RFWD3: variants seen among roughly 807,000 people sequenced by gnomAD.
RFWD3 encodes the protein ring finger and WD repeat domain 3, also known as E3 ubiquitin-protein ligase RFWD3.
A neutral mutation model predicts 87.7 loss-of-function variants in RFWD3; 65 were observed. That is an observed-to-expected ratio of 0.74 (90% CI 0.61 to 0.91). The LOEUF is 0.91. Ranked by LOEUF, RFWD3 falls within the 40% of genes least tolerant of loss-of-function variation. RFWD3 has a pLI of 0.00. For missense variants in RFWD3, 1,078 were observed against 938.5 expected, an observed-to-expected ratio of 1.15 and a Z score of -1.94; for synonymous variants, 433 against 352.8, an observed-to-expected ratio of 1.23 and a Z score of -2.55.
intron 1 of RFWD3, chr16:74,664,354 A>T (rs74820302): frequency 0.23 from 34,473 of 152,348 alleles, 4,370 homozygotes; most frequent in African/African-American, 0.32. Context: ...AAGAGACATT[A>T]AGCAACTCAG....
chr16:74,656,385 T>G (rs1960991167), intron 2 of RFWD3, among the ~76,000 whole-genome samples: 1 of 151,956 alleles, frequency 6.6e-6, no homozygotes, highest in Admixed American at 6.6e-5. Context: ...AAAGCTTTTT[T>G]TATTTTATTT....
chr16:74,661,973 G>T (rs1206350377), intron 1 of RFWD3, among the ~76,000 whole-genome samples: 1 of 152,018 alleles, frequency 6.6e-6, no homozygotes, highest in Non-Finnish European at 1.5e-5. Flanking sequence ...TTCCAAAAAG[G>T]CTGAGCAAAC....
chr16:74,651,551 G>A (rs760491130), intron 3 of RFWD3, among the ~76,000 whole-genome samples: 24 of 152,160 alleles, frequency 1.6e-4, no homozygotes, highest in Admixed American at 3.3e-4. Context: ...CCCAAGAAGC[G>A]GAAGTTGCAG....
In RFWD3 at chr16:74,660,982, A is replaced by C. The variant is rs780623055; in HGVS notation, c.468T>G (p.Ser156=). Residue 156 remains serine (S), a synonymous_variant, in exon 2 of 13, where the codon TCT becomes TCG. Coordinates refer to ENST00000361070, the MANE Select transcript of RFWD3 (RefSeq NM_018124.4). The part of the protein sequence containing the change: ...VGPMRTRRRV[S]ASRRARAGGS... Reference sequence around the variant, plus strand: ...CTCCGGCTCTTGCCCTCCGTGAAGCAGATACCCTCCTTCTTGTTCTCATTG... The same window carrying C: ...CTCCGGCTCTTGCCCTCCGTGAAGCCGATACCCTCCTTCTTGTTCTCATTG... 9 of 1,614,200 alleles carry C rather than the reference A, an allele frequency of 5.6e-6. No individual in the cohort carries two copies. The highest frequency in any genetic ancestry group is 7.6e-6 in the Non-Finnish European group (9 of 1,180,044).
chr16:74,628,664 C>A lies in RFWD3; in HGVS notation c.1757G>T (p.Cys586Phe), dbSNP rs753673810. Residue 586 changes from cysteine (C) to phenylalanine (F), a missense_variant and splice_region_variant, in exon 11 of 13, where the codon TGC (cysteine) becomes TTC (phenylalanine). Cys to Phe is a radical substitution (Grantham distance 205). Coordinates refer to ENST00000361070, the MANE Select transcript of RFWD3 (RefSeq NM_018124.4). The part of the protein sequence containing the change: ...VQELVAQKAR[C>F]PLVSLSYMPR... ...CATGTATGACAGGGAGACCAGTGGG[C>A]ATCTGAAAGGAAAGTAAGGAAACTG... is the stretch of plus-strand genomic sequence containing the variant. 1 of 1,614,026 alleles carries A rather than the reference C, an allele frequency of 6.2e-7. No individual in the cohort carries two copies. The highest frequency in any genetic ancestry group is 8.5e-7 in the Non-Finnish European group (1 of 1,179,972).
chr16:74,637,390 G>A (rs1290297165), intron 7 of RFWD3, among the ~76,000 whole-genome samples: 1 of 152,202 alleles, frequency 6.6e-6, no homozygotes, highest in African/African-American at 2.4e-5. Flanking sequence ...ACTTTGGGAA[G>A]CCAAGGCAGG....
chr16:74,628,199 C>A (rs893309906), intron 11 of RFWD3, among the ~76,000 whole-genome samples: 2 of 152,158 alleles, frequency 1.3e-5, no homozygotes, highest in African/African-American at 4.8e-5. Flanking sequence ...ACTGTAGGGG[C>A]TCCTAAGTGG....
chr16:74,638,920 G>A (rs1327273599), intron 6 of RFWD3, among the ~76,000 whole-genome samples: 1 of 151,916 alleles, frequency 6.6e-6, no homozygotes, highest in Admixed American at 6.6e-5. Flanking sequence ...GCTATATACT[G>A]TTGCTCCCAG....
rs550999288 is a variant in RFWD3, at chr16:74,630,610, A to C, written c.1754+171T>G. On this transcript the variant is annotated intron_variant, in intron 10 of 12. Coordinates refer to ENST00000361070, the MANE Select transcript of RFWD3 (RefSeq NM_018124.4). ...CCATCATATGAAATAGCATGAATAC[A>C]AACTCTTATTAATAAGAATGTTATT... Among the ~76,000 whole-genome samples, 16 of 152,382 alleles carry C rather than the reference A, an allele frequency of 1.0e-4. No individual in the cohort carries two copies. The South Asian group carries it at 3.3e-3, about 32-fold the overall frequency.
At chr16:74,665,500 C>T (rs1353983256) in intron 1 of RFWD3, among the ~76,000 whole-genome samples, 1 of 151,592 alleles carries the variant, frequency 6.6e-6, no homozygotes, top group African/African-American at 2.4e-5. Flanking sequence ...ATCGCTTGAA[C>T]CCGGGAGGCA....
intron 2 of RFWD3, among the ~76,000 whole-genome samples, chr16:74,654,473 G>C (rs1960814613): frequency 6.6e-6 from 1 of 152,064 alleles, no homozygotes; most frequent in Non-Finnish European, 1.5e-5. Context: ...TGTGTATGTT[G>C]ACTGCTCCAC....
chr16:74,635,902 T>C (rs1340638790), intron 8 of RFWD3, among the ~76,000 whole-genome samples: 6 of 152,240 alleles, frequency 3.9e-5, no homozygotes, highest in Admixed American at 6.5e-5. Flanking sequence ...CTAGTATTAA[T>C]AAAATAATCA....
chr16:74,628,160 C>T (rs1958990636), intron 11 of RFWD3, among the ~76,000 whole-genome samples: 1 of 152,174 alleles, frequency 6.6e-6, no homozygotes, highest in Non-Finnish European at 1.5e-5. Context: ...TGACCTAGAG[C>T]TGGCCCCCTT....
intron 2 of RFWD3, among the ~76,000 whole-genome samples, chr16:74,652,593 A>C (rs1960652736): frequency 6.6e-6 from 1 of 152,202 alleles, no homozygotes; most frequent in African/African-American, 2.4e-5. Flanking sequence ...CTCTCATTTT[A>C]GGATAGTATT....
intron 2 of RFWD3, among the ~76,000 whole-genome samples, chr16:74,658,723 A>C (rs1394847611): frequency 6.6e-6 from 1 of 152,044 alleles, no homozygotes; most frequent in African/African-American, 2.4e-5. Context: ...ACATCTTTCA[A>C]CATTTAAATT....
In RFWD3 at chr16:74,626,202, A is replaced by G. The variant is rs936628482; in HGVS notation, c.2181+141T>C. 8.4e-6 allele frequency: 6 copies of G among 713,456 alleles called. No individual in the cohort carries two copies. In the African/African-American group the frequency reaches 1.1e-4, roughly 13 times the overall value. 44.2% of individuals were successfully genotyped at this position (713,456 alleles called of 1,614,324 possible). On this transcript the variant is annotated intron_variant, in intron 12 of 12. Coordinates refer to ENST00000361070, the MANE Select transcript of RFWD3 (RefSeq NM_018124.4). ...AAACCAAGCAATCTCACATACACAC[A>G]TATGCGGATATGTGGGATTACAGAG...
At chr16:74,652,274 G>T (rs946638896) in intron 2 of RFWD3, 152 bp from the exon 3 acceptor site, 16 of 653,518 alleles carry the variant, frequency 2.4e-5, no homozygotes, top group East Asian at 8.2e-5. Flanking sequence ...AGCAGATAAG[G>T]GGGGGAGACT....
intron 2 of RFWD3, among the ~76,000 whole-genome samples, chr16:74,654,471 T>C (rs1960814054): frequency 6.6e-6 from 1 of 152,144 alleles, no homozygotes; most frequent in Non-Finnish European, 1.5e-5. Flanking sequence ...GTTGTGTATG[T>C]TGACTGCTCC....
At chr16:74,654,755 A>G (rs116923498) in intron 2 of RFWD3, among the ~76,000 whole-genome samples, 1,793 of 152,330 alleles carry the variant, frequency 0.012, 20 homozygotes, top group Non-Finnish European at 0.019. Context: ...AAGAAAATTA[A>G]GCGCTACAAC....
Sources: gnomAD v4.1 joint callset for allele counts (sites outside exome capture counted in the v4.1 genomes callset) on GRCh38, gnomAD v4.1.1 for gene constraint, MANE v1.5 for transcripts, NCBI Gene and HGNC (gene_info 2026-07-23, HGNC 2026-07-21) for gene names.